Variants in CDKAL1 observed in about 807,000 individuals in gnomAD.
The protein encoded by CDKAL1 is CDKAL1 threonylcarbamoyladenosine tRNA methylthiotransferase, also known as threonylcarbamoyladenosine tRNA methylthiotransferase.
In CDKAL1, 32 loss-of-function variants were observed where a neutral mutation model predicts 68.2. The ratio of observed to expected loss-of-function variants is 0.47; its 90% CI spans 0.35 to 0.63. The LOEUF is 0.63. Among genes scored for constraint, CDKAL1 ranks in the 30% least tolerant of loss-of-function variants. CDKAL1 has a pLI of 0.00. For missense variants in CDKAL1, 606 were observed against 696.7 expected (o/e 0.87, Z 1.47); for synonymous variants, 234 against 244.3 (o/e 0.96, Z 0.39).
chr6:20,652,066 A>C lies in CDKAL1; in HGVS notation c.371+2689A>C, dbSNP rs1768795546. The stretch of plus-strand genomic sequence containing the variant: ...GGTATCAGGATGATGCTGGCCTCAT[A>C]AAATGAGTTAGGAAGAAATCCCTTG... On this transcript the variant is annotated intron_variant, in intron 5 of 15. Transcript: ENST00000274695. Among the ~76,000 whole-genome samples, 3 of 152,184 alleles carry C rather than the reference A, an allele frequency of 2.0e-5. No individual in the cohort carries two copies. In the South Asian group the frequency reaches 6.2e-4, roughly 32 times the overall value.
chr6:20,676,864 T>A (rs754221124), intron 5 of CDKAL1, among the ~76,000 whole-genome samples: 8 of 152,026 alleles, frequency 5.3e-5, no homozygotes, highest in Non-Finnish European at 1.2e-4. Flanking sequence ...ATGGCCTAGG[T>A]ATATAGTAGG....
At chr6:21,144,290 A>C (rs979948409) in intron 13 of CDKAL1, among the ~76,000 whole-genome samples, 5 of 152,244 alleles carry the variant, frequency 3.3e-5, no homozygotes, top group Admixed American at 3.3e-4. Context: ...CAGAGTTGTG[A>C]AGGTCAAATG....
chr6:20,913,158 C>CACACACACACAT lies in CDKAL1; in HGVS notation c.743-42260_743-42259insCACACACACATA, dbSNP rs1229681370. ...ACACACACACACACACACACACACA[C>CACACACACACAT]ATTACCACAAATGTAGAAGCTTAAA... On this transcript the variant is annotated intron_variant, in intron 9 of 15. Coordinates refer to ENST00000274695, the MANE Select transcript of CDKAL1 (RefSeq NM_017774.3). Among the ~76,000 whole-genome samples, 386 of 145,786 alleles carry CACACACACACAT rather than the reference C, an allele frequency of 2.6e-3. 8 individuals carry two copies. The highest frequency in any genetic ancestry group is 8.6e-3 in the African/African-American group (325 of 37,820).
intron 4 of CDKAL1, among the ~76,000 whole-genome samples, chr6:20,598,824 T>C (rs2127709784): frequency 6.6e-6 from 1 of 152,226 alleles, no homozygotes; most frequent in Non-Finnish European, 1.5e-5. Flanking sequence ...TCTATGGGGA[T>C]TTTGTATGTA....
chr6:20,586,377 C>G (rs749186601), intron 4 of CDKAL1, among the ~76,000 whole-genome samples: 1 of 152,202 alleles, frequency 6.6e-6, no homozygotes, highest in Admixed American at 6.5e-5. Context: ...GTGGCTCACT[C>G]ATGTAATCCC....
chr6:20,700,071 C>A (rs1173117484), intron 5 of CDKAL1, among the ~76,000 whole-genome samples: 1 of 150,682 alleles, frequency 6.6e-6, no homozygotes, highest in Admixed American at 6.6e-5. Context: ...TTTTTTTTAA[C>A]ACCTCATGAG....
At chr6:20,691,231 C>A (rs1046715978) in intron 5 of CDKAL1, among the ~76,000 whole-genome samples, 8 of 152,078 alleles carry the variant, frequency 5.3e-5, no homozygotes, top group African/African-American at 1.9e-4. Flanking sequence ...TGGACTAGTT[C>A]CTGCAGAAAA....
At chr6:21,031,473 C>T (rs1021876909) in intron 11 of CDKAL1, among the ~76,000 whole-genome samples, 2 of 151,906 alleles carry the variant, frequency 1.3e-5, no homozygotes, top group South Asian at 2.1e-4. Flanking sequence ...GCAACACCTA[C>T]ATTCGGGTTT....
At chr6:21,085,393 C>T (rs1772636275) in intron 12 of CDKAL1, among the ~76,000 whole-genome samples, 1 of 152,134 alleles carries the variant, frequency 6.6e-6, no homozygotes, top group Non-Finnish European at 1.5e-5. Context: ...CTGGGTGCTC[C>T]TTACTCAAGA....
chr6:21,164,769 C>T (rs142570253), intron 13 of CDKAL1, among the ~76,000 whole-genome samples: 1 of 152,268 alleles, frequency 6.6e-6, no homozygotes, highest in African/African-American at 2.4e-5. Context: ...TATTCATCAT[C>T]CTTGAAGCTT....
chr6:20,701,503 C>A (rs1447385180), intron 5 of CDKAL1, among the ~76,000 whole-genome samples: 1 of 152,018 alleles, frequency 6.6e-6, no homozygotes, highest in East Asian at 1.9e-4. Context: ...AGTTAATGAC[C>A]CCTCGAGTAG....
intron 9 of CDKAL1, among the ~76,000 whole-genome samples, chr6:20,894,328 C>T (rs533896376): frequency 6.6e-6 from 1 of 151,068 alleles, no homozygotes; most frequent in African/African-American, 2.4e-5. Flanking sequence ...CCTAAATTAA[C>T]AGTGGTAAAT....
chr6:21,170,804 A>C (rs1278878640), intron 13 of CDKAL1, among the ~76,000 whole-genome samples: 2 of 152,218 alleles, frequency 1.3e-5, no homozygotes, highest in Non-Finnish European at 2.9e-5. Context: ...TAAGTACCCT[A>C]ACCTCCCCAG....
At chr6:20,629,736 C>G (rs1246061233) in intron 4 of CDKAL1, among the ~76,000 whole-genome samples, 2 of 152,076 alleles carry the variant, frequency 1.3e-5, no homozygotes, top group African/African-American at 4.8e-5. Context: ...TCCCATTGTG[C>G]CGCAGCTCTG....
intron 15 of CDKAL1, among the ~76,000 whole-genome samples, chr6:21,212,972 T>G (rs1273125138): frequency 2.6e-5 from 4 of 152,116 alleles, no homozygotes; most frequent in Non-Finnish European, 1.5e-5. Context: ...AGAAGGAAAT[T>G]CAAAAGGCAA....
rs1174818534 is a variant in CDKAL1 at position 20,546,512 on chromosome 6, A to G, written c.162A>G (p.Pro54=). 6.2e-7 allele frequency: 1 copy of G among 1,612,008 alleles called. No homozygotes were observed. Among genetic ancestry groups the G allele is most frequent in the Non-Finnish European group, 8.5e-7 (1 of 1,179,392 alleles). The change falls in exon 3 of 16, where the codon CCA becomes CCG. Residue 54 remains proline, a synonymous_variant. Transcript: ENST00000274695. ...ATTTGCAAGAGGAAGAAAACAGTCC[A>G]CCAAGTGACAGGTAAGCTTTTTTCC... The part of the protein sequence containing the change: ...QKYLQEEENS[P]PSDSTIPGIQ...
intron 4 of CDKAL1, among the ~76,000 whole-genome samples, chr6:20,623,325 GAAAGT>G (rs1436712856): frequency 6.6e-6 from 1 of 151,980 alleles, no homozygotes; most frequent in Non-Finnish European, 1.5e-5. Context: ...TTTAAGCAAA[GAAAGT>G]AAACTATTAA....
intron 9 of CDKAL1, among the ~76,000 whole-genome samples, chr6:20,909,735 T>C (rs1043681766): frequency 1.3e-5 from 2 of 151,946 alleles, no homozygotes; most frequent in African/African-American, 2.4e-5. Context: ...GCCAGGGAGG[T>C]TGAGAATGCA....
intron 10 of CDKAL1, among the ~76,000 whole-genome samples, chr6:20,966,510 G>A (rs1165004312): frequency 6.6e-6 from 1 of 152,092 alleles, no homozygotes; most frequent in African/African-American, 2.4e-5. Flanking sequence ...CTGCATGTAG[G>A]CCAGAGAAAA....
Sources: gnomAD v4.1 joint callset for allele counts (sites outside exome capture counted in the v4.1 genomes callset) on GRCh38, gnomAD v4.1.1 for gene constraint, MANE v1.5 for transcripts, NCBI Gene and HGNC (gene_info 2026-07-23, HGNC 2026-07-21) for gene names.